MTA3: variants seen among roughly 807,000 people sequenced by gnomAD.
MTA3 encodes metastasis-associated protein MTA3.
A neutral mutation model predicts 83.5 loss-of-function variants in MTA3; 34 were observed. That is an observed-to-expected ratio of 0.41 (90% CI 0.31 to 0.54). The LOEUF (loss-of-function observed/expected upper bound fraction) is 0.54. Ranked by LOEUF, MTA3 falls within the 20% of genes least tolerant of loss-of-function variation. The probability of loss-of-function intolerance (pLI) is 0.33; values close to 1 mark genes in which losing one functional copy is unlikely to be tolerated. For synonymous variants in MTA3, 303 were observed against 252.7 expected (o/e 1.20, Z -1.89); for missense variants, 761 against 726.4 (o/e 1.05, Z -0.55).
chr2:42,756,815 C>A lies in MTA3; in HGVS notation c.*3416C>A, dbSNP rs1000902388. 1.0e-6 allele frequency: 1 copy of A among 985,282 alleles called. No individual in the cohort carries two copies. The highest frequency in any genetic ancestry group is 1.7e-5 in the African/African-American group (1 of 57,224). 61.0% of individuals were successfully genotyped at this position (985,282 alleles called of 1,614,324 possible). A position where few individuals can be genotyped will look rare whatever the true frequency, so the allele number is the denominator to read the frequency against. ...CAGGGAAGCTAACCCAGAGCACGCA[C>A]CTGTGCTCATGAGTGTTTCCGCAGG... On this transcript the variant is annotated 3_prime_UTR_variant, in exon 17 of 17. Coordinates refer to ENST00000405094, the MANE Select transcript of MTA3 (RefSeq NM_001330442.2).
intron 14 of MTA3, among the ~76,000 whole-genome samples, chr2:42,714,407 A>G (rs1357653040): frequency 6.6e-6 from 1 of 152,080 alleles, no homozygotes; most frequent in East Asian, 1.9e-4. Context: ...AAAAATCATG[A>G]GTTTTGTGGC....
intron 9 of MTA3, among the ~76,000 whole-genome samples, chr2:42,694,335 G>A (rs1693183666): frequency 6.6e-6 from 1 of 152,126 alleles, no homozygotes; most frequent in African/African-American, 2.4e-5. Context: ...TTGTTTAGGA[G>A]TTGAAGTCCT....
intron 6 of MTA3, among the ~76,000 whole-genome samples, chr2:42,649,967 CT>C (rs1236054910): frequency 6.6e-6 from 1 of 152,014 alleles, no homozygotes; most frequent in Non-Finnish European, 1.5e-5. Context: ...ATGATTGTTA[CT>C]TTTTTTTGGA....
At chr2:42,743,083 C>G (rs1037798075) in intron 16 of MTA3, among the ~76,000 whole-genome samples, 4 of 152,166 alleles carry the variant, frequency 2.6e-5, no homozygotes, top group African/African-American at 9.7e-5. Context: ...ACATCCTGAC[C>G]TTGAGACAGT....
At chr2:42,641,878 A>T (rs1241007193) in intron 5 of MTA3, among the ~76,000 whole-genome samples, 1 of 152,012 alleles carries the variant, frequency 6.6e-6, no homozygotes, top group African/African-American at 2.4e-5. Flanking sequence ...AAAAAAAAAA[A>T]TAGACATTGG....
At chr2:42,541,858 T>C (rs1676528588) in intron 2 of MTA3, among the ~76,000 whole-genome samples, 1 of 152,156 alleles carries the variant, frequency 6.6e-6, no homozygotes, top group African/African-American at 2.4e-5. Flanking sequence ...TTCCCTTCAG[T>C]CTCTTGTCCA....
chr2:42,610,361 T>C (rs926605897), intron 4 of MTA3, among the ~76,000 whole-genome samples: 10 of 152,208 alleles, frequency 6.6e-5, no homozygotes, highest in Admixed American at 2.0e-4. Flanking sequence ...ATGAAAACTT[T>C]ATATTCTTTA....
intron 3 of MTA3, among the ~76,000 whole-genome samples, chr2:42,595,198 T>C (rs544629874): frequency 1.5e-5 from 2 of 130,244 alleles, no homozygotes; most frequent in African/African-American, 5.9e-5. Flanking sequence ...CAAGCTCCAC[T>C]TCCCAGGTTC....
At chr2:42,671,105 T>C (rs1448841170) in intron 8 of MTA3, among the ~76,000 whole-genome samples, 3 of 152,120 alleles carry the variant, frequency 2.0e-5, no homozygotes, top group African/African-American at 7.2e-5. Context: ...TTTATGACCA[T>C]GGTATTTTGA....
chr2:42,580,665 A>T (rs1679517636), intron 3 of MTA3, among the ~76,000 whole-genome samples: 1 of 151,354 alleles, frequency 6.6e-6, no homozygotes, highest in East Asian at 1.9e-4. Flanking sequence ...ACATGATCTC[A>T]GCTCACTGTA....
chr2:42,621,206 A>G (rs908244060), intron 4 of MTA3, among the ~76,000 whole-genome samples: 21 of 151,064 alleles, frequency 1.4e-4, no homozygotes, highest in African/African-American at 5.1e-4. Flanking sequence ...TCATAGGACA[A>G]TAGTGGAGGG....
intron 2 of MTA3, among the ~76,000 whole-genome samples, chr2:42,531,304 C>A (rs1291246359): frequency 2.0e-5 from 3 of 152,122 alleles, no homozygotes; most frequent in Admixed American, 6.6e-5. Flanking sequence ...TGGCCTAAGA[C>A]AAATGCTATA....
intron 2 of MTA3, among the ~76,000 whole-genome samples, chr2:42,571,335 T>G (rs1678452436): frequency 7.3e-6 from 1 of 136,784 alleles, no homozygotes; most frequent in Non-Finnish European, 1.5e-5. Flanking sequence ...TGCAGTGAGC[T>G]GAGATCACGC....
intron 2 of MTA3, among the ~76,000 whole-genome samples, chr2:42,578,495 C>G (rs1360675789): frequency 3.3e-5 from 5 of 152,284 alleles, no homozygotes; most frequent in South Asian, 4.1e-4. Flanking sequence ...CTAAGTACTG[C>G]TTAGAATATT....
chr2:42,594,432 T>A (rs1391131155), intron 3 of MTA3, among the ~76,000 whole-genome samples: 1 of 150,342 alleles, frequency 6.7e-6, no homozygotes, highest in East Asian at 2.0e-4. Flanking sequence ...GAGACAGGGT[T>A]TCACCATGTT....
intron 2 of MTA3, among the ~76,000 whole-genome samples, chr2:42,556,032 G>A (rs1310371229): frequency 2.0e-5 from 3 of 149,984 alleles, no homozygotes; most frequent in Non-Finnish European, 3.0e-5. Flanking sequence ...ACACAGTGCC[G>A]CTGCATTCCA....
intron 2 of MTA3, among the ~76,000 whole-genome samples, chr2:42,518,182 A>G (rs1195196368): frequency 3.3e-5 from 5 of 152,018 alleles, no homozygotes; most frequent in Non-Finnish European, 5.9e-5. Context: ...CTCGGTCTCA[A>G]AAAAAAAGAA....
upstream of MTA3, among the ~76,000 whole-genome samples, chr2:42,567,649 T>G (rs1207107145): frequency 2.6e-5 from 4 of 152,012 alleles, no homozygotes; most frequent in South Asian, 2.1e-4. Context: ...CAACGTTGTT[T>G]TTTTTTTTTT....
Position 42,738,546 on chromosome 2 carries a change from C to T in MTA3, c.1760-14828C>T, listed in dbSNP as rs144325973. ...GACTATGTGATAATTGCATTAACTG[C>T]ACAAATTGTACAGCATGTGTGTTTG... On this transcript the variant is annotated intron_variant, in intron 16 of 16. Transcript: ENST00000405094. 3.1e-3 allele frequency among the ~76,000 whole-genome samples: 472 copies of T among 152,216 alleles called. 2 individuals are homozygous for T. The highest frequency in any genetic ancestry group is 0.011 in the African/African-American group (443 of 41,524).
Sources: allele counts gnomAD v4.1 joint callset (sites outside exome capture counted in the v4.1 genomes callset), GRCh38; gene constraint gnomAD v4.1.1; transcripts MANE v1.5; gene names NCBI Gene and HGNC (gene_info 2026-07-23, HGNC 2026-07-21).